The following RERE variants were observed in gnomAD, a reference collection of about 807,000 sequenced individuals.
RERE encodes arginine-glutamic acid dipeptide repeats, also known as arginine-glutamic acid dipeptide repeats protein.
Under a neutral mutation model 146.1 loss-of-function variants are expected in RERE, and 40 were observed. That is an observed-to-expected ratio of 0.27 (90% CI 0.21 to 0.36). The LOEUF is 0.36. Ranked by LOEUF, RERE falls within the 10% of genes least tolerant of loss-of-function variation. The pLI is 1.00. For missense variants in RERE, 1,933 were observed against 2,138.7 expected (o/e 0.90, Z 1.90); for synonymous variants, 1,003 against 866.0 (o/e 1.16, Z -2.78).
At chr1:8,525,047 T>C (rs1229493789) in intron 7 of RERE, among the ~76,000 whole-genome samples, 1 of 152,188 alleles carries the variant, frequency 6.6e-6, no homozygotes, top group Non-Finnish European at 1.5e-5. Flanking sequence ...AGTCAATGCA[T>C]ACTTTTTTTA....
intron 2 of RERE, among the ~76,000 whole-genome samples, chr1:8,652,474 T>C (rs76653984): frequency 0.016 from 2,390 of 152,318 alleles, 157 homozygotes; most frequent in Admixed American, 0.11. Flanking sequence ...GGAGGTGTAT[T>C]AGTCCATTCT....
rs1244426542 is a variant in RERE at position 8,410,209 on chromosome 1, G to A, written c.1284+12518C>T. ...TAAGGAGGGCTGGGCAGGGGAGGGG[G>A]GCCGCCCTGGCTGGGGGACACGGCT... is the stretch of plus-strand genomic sequence containing the variant. On this transcript the variant is annotated intron_variant, in intron 12 of 22. Coordinates refer to ENST00000400908, the MANE Select transcript of RERE (RefSeq NM_001042681.2). Among the ~76,000 whole-genome samples, 5 of 151,996 alleles carry A rather than the reference G, an allele frequency of 3.3e-5. No homozygotes were observed. In the East Asian group the frequency reaches 5.8e-4, roughly 18 times the overall value.
At chr1:8,755,045 C>A (rs557900835) in intron 1 of RERE, among the ~76,000 whole-genome samples, 1 of 152,232 alleles carries the variant, frequency 6.6e-6, no homozygotes, top group Non-Finnish European at 1.5e-5. Flanking sequence ...TCAGTACAGT[C>A]GATTTACAGA....
chr1:8,682,219 A>G (rs1273794935), intron 1 of RERE, among the ~76,000 whole-genome samples: 3 of 152,204 alleles, frequency 2.0e-5, no homozygotes, highest in African/African-American at 7.2e-5. Flanking sequence ...TCTTTATATT[A>G]TAGGCTGTCT....
At chr1:8,382,821 G>A (rs540705081) in intron 12 of RERE, among the ~76,000 whole-genome samples, 1 of 152,176 alleles carries the variant, frequency 6.6e-6, no homozygotes, top group Non-Finnish European at 1.5e-5. Flanking sequence ...TCCTTATCTA[G>A]AAACCTGGGC....
At chr1:8,377,835 C>G (rs562946292) in intron 12 of RERE, among the ~76,000 whole-genome samples, 4 of 152,212 alleles carry the variant, frequency 2.6e-5, no homozygotes, top group African/African-American at 9.6e-5. Flanking sequence ...AAGGGATCAT[C>G]AGTTATATCT....
At position 8,582,676 on chromosome 1, in the gene RERE, G is replaced by A. The variant is rs530330467; in HGVS notation, c.523-25153C>T. On this transcript the variant is annotated intron_variant, in intron 4 of 22. Transcript: ENST00000400908. ...GCAGAGGTTGCAGTGAGCTGAGACTGTGCCACTGCACTCCAGCCTGGGAAA... is the reference window on the plus strand; with the variant it reads ...GCAGAGGTTGCAGTGAGCTGAGACTATGCCACTGCACTCCAGCCTGGGAAA... 2.6e-5 allele frequency among the ~76,000 whole-genome samples: 4 copies of A among 152,244 alleles called. No individual in the cohort carries two copies. In the South Asian group the frequency reaches 6.2e-4, roughly 24 times the overall value.
At chr1:8,499,746 T>A (rs1415356413) in intron 8 of RERE, among the ~76,000 whole-genome samples, 1 of 152,252 alleles carries the variant, frequency 6.6e-6, no homozygotes, top group Non-Finnish European at 1.5e-5. Context: ...CTTCTTTGGT[T>A]AAGTATTGAC....
chr1:8,783,343 T>G (rs72857219), intron 1 of RERE, among the ~76,000 whole-genome samples: 1 of 152,158 alleles, frequency 6.6e-6, no homozygotes, highest in African/African-American at 2.4e-5. Context: ...TAAAAAAATT[T>G]AAAAACTCAT....
intron 11 of RERE, among the ~76,000 whole-genome samples, chr1:8,454,526 G>A (rs929291493): frequency 7.9e-5 from 12 of 151,948 alleles, no homozygotes; most frequent in African/African-American, 2.7e-4. Flanking sequence ...CTTAAGACTT[G>A]CTGGGTGTGG....
At chr1:8,523,199 AG>A (rs1160307960) in intron 7 of RERE, among the ~76,000 whole-genome samples, 1 of 152,202 alleles carries the variant, frequency 6.6e-6, no homozygotes, top group Non-Finnish European at 1.5e-5. Flanking sequence ...TATCTCAAAA[AG>A]AAAAAGAAAA....
At chr1:8,438,379 C>T (rs1311762493) in intron 11 of RERE, among the ~76,000 whole-genome samples, 3 of 152,222 alleles carry the variant, frequency 2.0e-5, no homozygotes, top group Admixed American at 2.0e-4. Flanking sequence ...CCTACTAAAA[C>T]ATCTGTTACA....
intron 2 of RERE, among the ~76,000 whole-genome samples, chr1:8,631,319 T>C (rs1647032661): frequency 6.6e-6 from 1 of 152,182 alleles, no homozygotes. Flanking sequence ...GGACTGCCTG[T>C]GCCCTGGAGT....
At chr1:8,403,309 T>G (rs990431653) in intron 12 of RERE, among the ~76,000 whole-genome samples, 2 of 152,220 alleles carry the variant, frequency 1.3e-5, no homozygotes, top group East Asian at 3.8e-4. Context: ...CTTTTCACAG[T>G]AGCCCTTACA....
intron 8 of RERE, among the ~76,000 whole-genome samples, chr1:8,504,155 T>A (rs1166967773): frequency 6.6e-6 from 1 of 152,156 alleles, no homozygotes; most frequent in Non-Finnish European, 1.5e-5. Flanking sequence ...ACCAACCCAG[T>A]AAGAATGAAT....
At chr1:8,483,891 C>A (rs915637332) in intron 10 of RERE, among the ~76,000 whole-genome samples, 5 of 152,048 alleles carry the variant, frequency 3.3e-5, no homozygotes, top group Non-Finnish European at 5.9e-5. Context: ...ACTGTCCAGG[C>A]GGAGGTGAAA....
chr1:8,620,118 G>C (rs2124212912), intron 3 of RERE, among the ~76,000 whole-genome samples: 1 of 152,290 alleles, frequency 6.6e-6, no homozygotes, highest in African/African-American at 2.4e-5. Flanking sequence ...AAGTAAGTAA[G>C]TCACATGGTG....
At chr1:8,459,231 T>G (rs967934390) in intron 11 of RERE, among the ~76,000 whole-genome samples, 2 of 152,246 alleles carry the variant, frequency 1.3e-5, no homozygotes, top group African/African-American at 4.8e-5. Flanking sequence ...ACATTTTTCT[T>G]TTTTAATATT....
At chr1:8,504,810 G>A (rs1289148494) in intron 8 of RERE, among the ~76,000 whole-genome samples, 5 of 152,034 alleles carry the variant, frequency 3.3e-5, no homozygotes, top group Middle Eastern at 3.4e-3. Context: ...ACAAGATTGT[G>A]CCACTGCACT....
Sources: gnomAD v4.1 joint callset for allele counts (sites outside exome capture counted in the v4.1 genomes callset) on GRCh38, gnomAD v4.1.1 for gene constraint, MANE v1.5 for transcripts, NCBI Gene and HGNC (gene_info 2026-07-23, HGNC 2026-07-21) for gene names.